Variants in DAB1 observed in about 807,000 individuals in gnomAD.
The protein encoded by DAB1 is DAB adaptor protein 1, also known as disabled homolog 1.
DAB1 carries 15 observed loss-of-function variants against 64.6 expected under a neutral mutation model. The observed-to-expected ratio is 0.23, with a 90% confidence interval of 0.16 to 0.36. The LOEUF (loss-of-function observed/expected upper bound fraction) is 0.36, where lower values mean the gene tolerates loss of function less well. Ranked by LOEUF, DAB1 falls within the 10% of genes least tolerant of loss-of-function variation. The pLI is 1.00. For missense variants in DAB1, 596 were observed against 706.7 expected, an observed-to-expected ratio of 0.84 and a Z score of 1.78; for synonymous variants, 235 against 251.9, an observed-to-expected ratio of 0.93 and a Z score of 0.64.
chr1:57,994,531 A>AC (rs1428913773), intron 5 of DAB1, among the ~76,000 whole-genome samples: 1 of 152,198 alleles, frequency 6.6e-6, no homozygotes, highest in African/African-American at 2.4e-5. Flanking sequence ...GAGTTGGGGA[A>AC]CAAGGCTTAG....
At chr1:57,253,791 A>G (rs1669551739) in intron 2 of DAB1, among the ~76,000 whole-genome samples, 1 of 152,206 alleles carries the variant, frequency 6.6e-6, no homozygotes, top group Non-Finnish European at 1.5e-5. Flanking sequence ...GTGATGAAAA[A>G]TAATTGCATT....
chr1:58,237,930 T>C (rs764623849), intron 4 of DAB1, among the ~76,000 whole-genome samples: 2 of 152,254 alleles, frequency 1.3e-5, no homozygotes, highest in Non-Finnish European at 2.9e-5. Context: ...TGTTCTTTGG[T>C]AAGCACTTCA....
At chr1:57,051,478 A>G (rs762858528) in intron 9 of DAB1, among the ~76,000 whole-genome samples, 1 of 152,212 alleles carries the variant, frequency 6.6e-6, no homozygotes, top group African/African-American at 2.4e-5. Context: ...AGTTGTCCAG[A>G]GAATTCTTGC....
intron 2 of DAB1, among the ~76,000 whole-genome samples, chr1:57,149,794 C>T (rs1018335260): frequency 7.9e-5 from 12 of 152,056 alleles, no homozygotes; most frequent in Admixed American, 2.0e-4. Context: ...CTCATTTTTT[C>T]GTGTCACAGC....
intron 4 of DAB1, among the ~76,000 whole-genome samples, chr1:58,255,392 A>G (rs1008744701): frequency 1.4e-4 from 21 of 151,116 alleles, no homozygotes; most frequent in Non-Finnish European, 2.8e-4. Context: ...TGATGATGTC[A>G]TCACGTCTGT....
rs567471747 is a variant in DAB1, at chr1:57,135,520, T to A, written c.306+1023A>T. Among the ~76,000 whole-genome samples, 150 of 152,328 alleles carry A rather than the reference T, an allele frequency of 9.8e-4. 5 individuals are homozygous for A. The South Asian group carries it at 0.031, about 31-fold the overall frequency. On this transcript the variant is annotated intron_variant, in intron 4 of 14. Transcript: ENST00000371236. ...CTATTCATCCATCTACAGGCATGGGTTGCTTCTACCTTTTGGCTACTGAAA... is the reference window on the plus strand; with the variant it reads ...CTATTCATCCATCTACAGGCATGGGATGCTTCTACCTTTTGGCTACTGAAA...
chr1:58,232,022 T>A (rs1433305063), intron 4 of DAB1, among the ~76,000 whole-genome samples: 1 of 152,230 alleles, frequency 6.6e-6, no homozygotes, highest in Admixed American at 6.5e-5. Flanking sequence ...CTCTTTCCCA[T>A]AAACTATTTT....
At chr1:57,566,789 C>T (rs1332774287) in intron 7 of DAB1, among the ~76,000 whole-genome samples, 23 of 152,196 alleles carry the variant, frequency 1.5e-4, no homozygotes, top group Admixed American at 1.1e-3. Context: ...AATTAATAGC[C>T]TACCAACCAA....
At chr1:57,827,819 T>C (rs1422007509) in intron 1 of DAB1, among the ~76,000 whole-genome samples, 1 of 152,154 alleles carries the variant, frequency 6.6e-6, no homozygotes, top group Non-Finnish European at 1.5e-5. Context: ...GTAGGAAAGC[T>C]CTGGTGCCAC....
At chr1:58,458,028 G>A (rs541023680) in intron 3 of DAB1, among the ~76,000 whole-genome samples, 2 of 152,300 alleles carry the variant, frequency 1.3e-5, no homozygotes, top group Admixed American at 6.5e-5. Flanking sequence ...ACTGTACTAA[G>A]TGCTGAATAT....
chr1:57,723,154 T>G (rs543876578), intron 6 of DAB1, among the ~76,000 whole-genome samples: 6 of 152,340 alleles, frequency 3.9e-5, no homozygotes, highest in East Asian at 1.9e-4. Flanking sequence ...ACTTTTTGAC[T>G]AGAAAACTTT....
chr1:57,557,627 C>T lies in DAB1; in HGVS notation n.625+91965G>A, dbSNP rs377366177. On this transcript the variant is annotated intron_variant and non_coding_transcript_variant, in intron 7 of 20. Coordinates refer to the DAB1 transcript ENST00000485760. The stretch of plus-strand genomic sequence containing the variant: ...GTTGGCTGCTTAATATGATTGACCC[C>T]AAAATACTAAGGACTCTATTTCTAA... Among the ~76,000 whole-genome samples, 14 of 152,052 alleles carry T rather than the reference C, an allele frequency of 9.2e-5. No homozygotes were observed. The South Asian group carries it at 1.7e-3, about 18-fold the overall frequency.
intron 1 of DAB1, among the ~76,000 whole-genome samples, chr1:57,297,018 CAG>C (rs1335192272): frequency 3.3e-5 from 5 of 152,142 alleles, no homozygotes; most frequent in Non-Finnish European, 7.4e-5. Context: ...CATCAACAAA[CAG>C]GGGCAGATGG....
chr1:57,746,872 T>A (rs567760521), intron 6 of DAB1, among the ~76,000 whole-genome samples: 1 of 152,194 alleles, frequency 6.6e-6, no homozygotes, highest in Non-Finnish European at 1.5e-5. Context: ...ATACCATTTT[T>A]TTTTTGTCTT....
intron 6 of DAB1, among the ~76,000 whole-genome samples, chr1:57,669,659 T>G (rs1310917721): frequency 1.3e-5 from 2 of 152,154 alleles, no homozygotes; most frequent in Non-Finnish European, 2.9e-5. Context: ...CAGAAATAAA[T>G]TTTTAATAAC....
At chr1:58,140,132 G>A (rs1654196877) in intron 5 of DAB1, among the ~76,000 whole-genome samples, 1 of 152,036 alleles carries the variant, frequency 6.6e-6, no homozygotes, top group Admixed American at 6.6e-5. Context: ...ATTTGCCAAT[G>A]GTTAGCTCCA....
chr1:57,992,244 C>T (rs1311455675), intron 5 of DAB1, among the ~76,000 whole-genome samples: 1 of 152,170 alleles, frequency 6.6e-6, no homozygotes, highest in Non-Finnish European at 1.5e-5. Context: ...CAGGTGCTGA[C>T]TGGCAGAGGG....
At chr1:58,194,286 C>T (rs1657549847) in intron 4 of DAB1, among the ~76,000 whole-genome samples, 1 of 152,178 alleles carries the variant, frequency 6.6e-6, no homozygotes, top group Non-Finnish European at 1.5e-5. Flanking sequence ...TTTGCTATTT[C>T]AACTGGCCTC....
chr1:58,475,848 C>A (rs538102930), intron 3 of DAB1, among the ~76,000 whole-genome samples: 1 of 152,126 alleles, frequency 6.6e-6, no homozygotes, highest in East Asian at 1.9e-4. Context: ...TTCAAGGCTA[C>A]CATAACATCA....
Sources: gnomAD v4.1 joint callset for allele counts (sites outside exome capture counted in the v4.1 genomes callset) on GRCh38, gnomAD v4.1.1 for gene constraint, MANE v1.5 for transcripts, NCBI Gene and HGNC (gene_info 2026-07-23, HGNC 2026-07-21) for gene names.